Variants in SPDYE14 observed in about 807,000 individuals in gnomAD.
SPDYE14 encodes the protein speedy/RINGO cell cycle regulator family member E14.
the SPDYE14 span, among the ~76,000 whole-genome samples, chr7:75,262,269 TTATC>T: frequency 1.4e-5 from 1 of 69,898 alleles, no homozygotes; most frequent in African/African-American, 3.4e-5. Context: ...TTAAAGAATT[TTATC>T]TATCTAAATT....
At chr7:75,237,690 GT>G in the SPDYE14 span, 1 of 105,558 alleles carries the variant, frequency 9.5e-6, no homozygotes, top group East Asian at 5.3e-4. Flanking sequence ...AGCAGCTGGT[GT>G]TCGCTGTAAC....
At chr7:75,249,933 G>GCA in the SPDYE14 span, among the ~76,000 whole-genome samples, 7 of 115,182 alleles carry the variant, frequency 6.1e-5, no homozygotes, top group East Asian at 1.7e-3. Context: ...GCCTCCCAAA[G>GCA]TGCTGGGATT....
chr7:75,247,518 A>C, the SPDYE14 span, among the ~76,000 whole-genome samples: 2 of 117,918 alleles, frequency 1.7e-5, no homozygotes, highest in South Asian at 5.2e-4. Context: ...GAAAGAAAGA[A>C]AGAAAGAAGA....
chr7:75,246,918 C>A, the SPDYE14 span, among the ~76,000 whole-genome samples: 4 of 107,234 alleles, frequency 3.7e-5, no homozygotes, highest in African/African-American at 1.2e-4. Flanking sequence ...GCACATCAGA[C>A]CTGTGTATGG....
the SPDYE14 span, among the ~76,000 whole-genome samples, chr7:75,245,441 A>AG: frequency 6.8e-6 from 1 of 147,890 alleles, no homozygotes; most frequent in Non-Finnish European, 1.5e-5. Flanking sequence ...AAAAAAAAAA[A>AG]AAAAAAGAAA....
chr7:75,251,510 CTGTGTGTGTG>C, the SPDYE14 span, among the ~76,000 whole-genome samples: 4 of 55,488 alleles, frequency 7.2e-5, no homozygotes, highest in African/African-American at 2.4e-4. Context: ...CTAATTTTGT[CTGTGTGTGTG>C]TGTGTGTGTG....
the SPDYE14 span, among the ~76,000 whole-genome samples, chr7:75,244,780 C>G: frequency 8.5e-6 from 1 of 117,006 alleles, no homozygotes; most frequent in African/African-American, 2.9e-5. Context: ...GACTCTGTCT[C>G]AAAAAACAAA....
chr7:75,278,604 C>T, the SPDYE14 span, among the ~76,000 whole-genome samples: 1 of 27,014 alleles, frequency 3.7e-5, no homozygotes, highest in Non-Finnish European at 9.3e-5. Context: ...TCAGATGACC[C>T]GCTGTGGAGC....
At chr7:75,272,919 G>A in the SPDYE14 span, among the ~76,000 whole-genome samples, 3 of 52,588 alleles carry the variant, frequency 5.7e-5, 1 homozygote, top group African/African-American at 1.3e-4. Context: ...AAAAAAAAGA[G>A]GTTTCATGTC....
At chr7:75,260,111 ATTTTTTTT>A in the SPDYE14 span, among the ~76,000 whole-genome samples, 4 of 54,552 alleles carry the variant, frequency 7.3e-5, no homozygotes, top group African/African-American at 2.3e-4. Context: ...CCTCAGATCT[ATTTTTTTT>A]TTTTTTTTTT....
chr7:75,272,759 G>A, the SPDYE14 span, among the ~76,000 whole-genome samples: 132 of 56,780 alleles, frequency 2.3e-3, 31 homozygotes, highest in African/African-American at 5.2e-3. Flanking sequence ...GGTGGTGGGC[G>A]CCTGTAATCC....
the SPDYE14 span, among the ~76,000 whole-genome samples, chr7:75,249,430 A>C: frequency 1.2e-5 from 1 of 85,976 alleles, no homozygotes; most frequent in Non-Finnish European, 2.5e-5. Flanking sequence ...TTGATGGAGG[A>C]GGACAAAGTT....
chr7:75,257,249 T>C, the SPDYE14 span, among the ~76,000 whole-genome samples: 2 of 109,728 alleles, frequency 1.8e-5, no homozygotes, highest in Non-Finnish European at 3.9e-5. Flanking sequence ...ACACAGTAGA[T>C]GCTCAGGAAG....
the SPDYE14 span, among the ~76,000 whole-genome samples, chr7:75,274,499 CTTTTTTT>C: frequency 7.7e-5 from 1 of 13,040 alleles, no homozygotes; most frequent in Non-Finnish European, 1.4e-4. Flanking sequence ...CTAGTCCTGG[CTTTTTTT>C]TTTTTTTTTT....
the SPDYE14 span, among the ~76,000 whole-genome samples, chr7:75,240,687 T>G: frequency 3.3e-5 from 2 of 61,376 alleles, no homozygotes; most frequent in African/African-American, 9.2e-5. Flanking sequence ...TTTGGCTAGT[T>G]TTCTGACTTC....
At chr7:75,271,295 G>C in the SPDYE14 span, among the ~76,000 whole-genome samples, 2 of 52,602 alleles carry the variant, frequency 3.8e-5, 1 homozygote, top group Non-Finnish European at 9.6e-5. Context: ...ACTTGAGCCT[G>C]GGAGGTTGAG....
At chr7:75,237,667 G>T in the SPDYE14 span, 1 of 94,984 alleles carries the variant, frequency 1.1e-5, no homozygotes, top group Admixed American at 1.2e-4. Context: ...GGCGCGCGGC[G>T]CCCGGCGCGG....
the SPDYE14 span, among the ~76,000 whole-genome samples, chr7:75,241,699 T>A: frequency 1.7e-3 from 55 of 32,508 alleles, 2 homozygotes; most frequent in African/African-American, 2.4e-3. Flanking sequence ...ATATATATTT[T>A]TTTTTTTTTT....
chr7:75,247,442 G>GAGAA, the SPDYE14 span, among the ~76,000 whole-genome samples: 92 of 68,500 alleles, frequency 1.3e-3, no homozygotes, highest in Middle Eastern at 0.01. Context: ...GAGAGAGAAA[G>GAGAA]AGAAAGAAAG....
Sources: allele counts gnomAD v4.1 joint callset (sites outside exome capture counted in the v4.1 genomes callset), GRCh38; gene constraint gnomAD v4.1.1; transcripts MANE v1.5; gene names NCBI Gene and HGNC (gene_info 2026-07-23, HGNC 2026-07-21).